The following CLINT1 variants were observed in gnomAD, a reference collection of about 807,000 sequenced individuals.
CLINT1 encodes clathrin interacting protein localized in the trans-Golgi region.
CLINT1 carries 15 observed loss-of-function variants against 70.4 expected under a neutral mutation model. That is an observed-to-expected ratio of 0.21 (90% CI 0.14 to 0.33). The LOEUF (loss-of-function observed/expected upper bound fraction) is 0.33. CLINT1 is among the 10% of genes least tolerant of loss of function. The probability of loss-of-function intolerance (pLI) is 1.00; values close to 1 mark genes in which losing one functional copy is unlikely to be tolerated. For synonymous variants in CLINT1, 227 were observed against 254.7 expected, an observed-to-expected ratio of 0.89 and a Z score of 1.04; for missense variants, 615 against 778.1, an observed-to-expected ratio of 0.79 and a Z score of 2.49.
chr5:157,789,493 T>C lies in CLINT1; in HGVS notation c.1401A>G (p.Lys467=). The C allele has an allele frequency of 6.2e-7, 1 of 1,613,984 alleles. No individual in the cohort carries two copies. Residue 467 remains lysine, a synonymous_variant, in exon 11 of 12, where the codon AAA becomes AAG. Coordinates refer to ENST00000411809, the MANE Select transcript of CLINT1 (RefSeq NM_014666.4). ...SRSQNTDMVQ[K]SVSKTLPSTW... is the part of the protein sequence containing the mutation. ...TAGAGGGCAAGGTTTTGCTGACTGA[T>C]TTCTGGACCATATCTGTATTCTGAT...
At chr5:157,794,834 T>C in intron 9 of CLINT1, 64 bp downstream of exon 9, 2 of 1,136,850 alleles carry the variant, frequency 1.8e-6, no homozygotes, top group South Asian at 1.3e-5. Context: ...TTGGGGGGAA[T>C]GGGAGTTGTT....
In CLINT1 at chr5:157,786,901, GT is replaced by G. The variant is rs1390872050; in HGVS notation, c.*744del. 1.3e-5 allele frequency: 2 copies of G among 152,108 alleles called. No homozygotes were observed. Among genetic ancestry groups the G allele is most frequent in the East Asian group, 1.9e-4 (1 of 5,198 alleles). The allele number at this position is 152,108 out of a possible 1,614,324, so 9.4% of individuals were successfully genotyped here. ...TAATGACTGCTAAAAACAAACAGAA[GT>G]TTTTTTCTTTTAAAGGAAACCATAG... On this transcript the variant is annotated 3_prime_UTR_variant, in exon 12 of 12. Coordinates refer to ENST00000411809, the MANE Select transcript of CLINT1 (RefSeq NM_014666.4).
chr5:157,792,346 G>C (rs1388055996), intron 9 of CLINT1, among the ~76,000 whole-genome samples: 4 of 152,088 alleles, frequency 2.6e-5, no homozygotes, highest in Non-Finnish European at 4.4e-5. Context: ...AGGAGATTGA[G>C]ACCATCCTGT....
chr5:157,806,787 AG>A (rs1175851957), intron 6 of CLINT1, among the ~76,000 whole-genome samples: 2 of 152,206 alleles, frequency 1.3e-5, no homozygotes, highest in Non-Finnish European at 2.9e-5. Context: ...AATATTTTAA[AG>A]ATAATTCTCC....
intron 1 of CLINT1, among the ~76,000 whole-genome samples, chr5:157,846,385 C>A (rs1223865661): frequency 6.6e-6 from 1 of 150,580 alleles, no homozygotes; most frequent in African/African-American, 2.5e-5. Flanking sequence ...CTAGCCACAA[C>A]ATTCCCTTAA....
chr5:157,786,741 A>C lies in CLINT1; in HGVS notation c.*905T>G, dbSNP rs1315531697. The stretch of plus-strand genomic sequence containing the variant: ...ACATTTATATTTAACTTAAGGTTTT[A>C]ATGGATTTTTACCTTTGCAGACACC... On this transcript the variant is annotated 3_prime_UTR_variant, in exon 12 of 12. Coordinates refer to ENST00000411809, the MANE Select transcript of CLINT1 (RefSeq NM_014666.4). The C allele has an allele frequency of 6.6e-6, 1 of 152,546 alleles. No individual in the cohort carries two copies. Among genetic ancestry groups the C allele is most frequent in the Non-Finnish European group, 1.5e-5 (1 of 68,032 alleles). The allele number at this position is 152,546 out of a possible 1,614,324, so 9.4% of individuals were successfully genotyped here.
intron 1 of CLINT1, among the ~76,000 whole-genome samples, chr5:157,829,869 T>G (rs1763169036): frequency 6.6e-6 from 1 of 151,940 alleles, no homozygotes; most frequent in Non-Finnish European, 1.5e-5. Flanking sequence ...AAAACTTTTG[T>G]GACAACTTAT....
At chr5:157,816,620 G>A (rs1344297022) in intron 3 of CLINT1, 114 bp downstream of exon 3, 6 of 640,164 alleles carry the variant, frequency 9.4e-6, no homozygotes, top group African/African-American at 5.8e-5. Context: ...ATGTGCTTTC[G>A]ATTATTCTAT....
chr5:157,831,401 A>G (rs983564420), intron 1 of CLINT1, among the ~76,000 whole-genome samples: 1 of 152,112 alleles, frequency 6.6e-6, no homozygotes, highest in African/African-American at 2.4e-5. Flanking sequence ...CATGTTGGCT[A>G]GGCTGGTCTC....
chr5:157,815,766 C>A (rs991322152), intron 3 of CLINT1, among the ~76,000 whole-genome samples: 1 of 152,176 alleles, frequency 6.6e-6, no homozygotes, highest in African/African-American at 2.4e-5. Flanking sequence ...ATAAGACAAC[C>A]TATTGCTCCT....
intron 11 of CLINT1, 30 bp from the exon 12 acceptor site, chr5:157,788,022 T>C: frequency 6.5e-7 from 1 of 1,531,612 alleles, no homozygotes; most frequent in Non-Finnish European, 8.9e-7. Context: ...AGAAGAACTT[T>C]ACCACAATAA....
chr5:157,789,323 G>GC (rs752271102), intron 11 of CLINT1, 40 bp downstream of exon 11: 1 of 1,558,396 alleles, frequency 6.4e-7, no homozygotes, highest in South Asian at 1.1e-5. Flanking sequence ...GCAAAAGACT[G>GC]CAAGTACACA....
chr5:157,805,887 G>A lies in CLINT1; in HGVS notation c.921C>T (p.His307=). 6.2e-7 allele frequency: 1 copy of A among 1,614,018 alleles called. No homozygotes were observed. ...CCACCTTAACTGAAGACTGAGGTGT[G>A]TGGGTTGAAGCATTCTGATCTGGAC... The part of the protein sequence containing the change: ...KASPDQNAST[H]TPQSSVKTSV... The change falls in exon 7 of 12, where the codon CAC becomes CAT. Residue 307 remains histidine, a synonymous_variant. Coordinates refer to ENST00000411809, the MANE Select transcript of CLINT1 (RefSeq NM_014666.4).
intron 1 of CLINT1, among the ~76,000 whole-genome samples, chr5:157,829,095 C>G (rs1763135149): frequency 6.6e-6 from 1 of 151,842 alleles, no homozygotes; most frequent in South Asian, 2.1e-4. Context: ...AAGCGAGACT[C>G]TGCCTCAAAC....
intron 6 of CLINT1, among the ~76,000 whole-genome samples, chr5:157,807,335 C>T (rs1345983284): frequency 6.6e-6 from 1 of 152,062 alleles, no homozygotes; most frequent in Non-Finnish European, 1.5e-5. Context: ...CCTGAAGATT[C>T]CCATTAGTCC....
At position 157,787,563 on chromosome 5, in the gene CLINT1, TAGTTG is replaced by T; in HGVS notation, c.*78_*82del. 4 of 1,049,966 alleles carry T rather than the reference TAGTTG, an allele frequency of 3.8e-6. No homozygotes were observed. Among genetic ancestry groups the T allele is most frequent in the Non-Finnish European group, 5.7e-6 (4 of 703,256 alleles). 65.0% of individuals were successfully genotyped at this position (1,049,966 alleles called of 1,614,324 possible). A position where few individuals can be genotyped will look rare whatever the true frequency, so the allele number is the denominator to read the frequency against. On this transcript the variant is annotated 3_prime_UTR_variant, in exon 12 of 12. Coordinates refer to ENST00000411809, the MANE Select transcript of CLINT1 (RefSeq NM_014666.4). ...TTTAATTACTTGATAAAAGAAAGGG[TAGTTG>T]ATTAGCATTTTCCATCCCAACATCA...
At chr5:157,858,045 C>G (rs2113352551) in intron 1 of CLINT1, among the ~76,000 whole-genome samples, 1 of 152,306 alleles carries the variant, frequency 6.6e-6, no homozygotes, top group East Asian at 1.9e-4. Flanking sequence ...ACTGTTATAC[C>G]TGATATACTC....
Position 157,859,107 on chromosome 5 carries a change from T to A in CLINT1, c.-137A>T. 1.2e-6 allele frequency: 1 copy of A among 865,046 alleles called. No homozygotes were observed. Among genetic ancestry groups the A allele is most frequent in the Non-Finnish European group, 1.7e-6 (1 of 584,592 alleles). The allele number at this position is 865,046 out of a possible 1,614,324, so 53.6% of individuals were successfully genotyped here. A position where few individuals can be genotyped will look rare whatever the true frequency, so the allele number is the denominator to read the frequency against. ...AACTCCCCCAGTCAGCTCCTTCCTT[T>A]GCCACAGCAGCGGCGCCGCCGGTGA... On this transcript the variant is annotated 5_prime_UTR_variant, in exon 1 of 12. Transcript: ENST00000411809.
intron 1 of CLINT1, among the ~76,000 whole-genome samples, chr5:157,820,415 C>T (rs902342572): frequency 1.5e-4 from 23 of 152,172 alleles, no homozygotes; most frequent in African/African-American, 5.1e-4. Context: ...GTCTCCCACT[C>T]CCCTCCCCCA....
Sources: gnomAD v4.1 joint callset for allele counts (sites outside exome capture counted in the v4.1 genomes callset) on GRCh38, gnomAD v4.1.1 for gene constraint, MANE v1.5 for transcripts, NCBI Gene and HGNC (gene_info 2026-07-23, HGNC 2026-07-21) for gene names.